Variants in QRFPR observed in about 807,000 individuals in gnomAD.
QRFPR encodes pyroglutamylated RFamide peptide receptor.
In QRFPR, 37 loss-of-function variants were observed where a neutral mutation model predicts 31.3. The observed-to-expected ratio is 1.18, with a 90% CI of 0.91 to 1.56. The LOEUF (loss-of-function observed/expected upper bound fraction) is 1.56. Among genes scored for constraint, QRFPR ranks in the 40% most tolerant of loss-of-function variants. QRFPR has a pLI of 0.00. For synonymous variants in QRFPR, 197 were observed against 192.0 expected (o/e 1.03, Z -0.22); for missense variants, 542 against 532.5 (o/e 1.02, Z -0.18).
intron 1 of QRFPR, among the ~76,000 whole-genome samples, chr4:121,365,540 TATTATATATA>T (rs1560743635): frequency 2.5e-3 from 12 of 4,786 alleles, no homozygotes; most frequent in Non-Finnish European, 2.9e-3. Context: ...ATATAATATA[TATTATATATA>T]ATATATAATA....
At chr4:121,371,394 G>A (rs1018187679) in intron 1 of QRFPR, among the ~76,000 whole-genome samples, 3 of 152,204 alleles carry the variant, frequency 2.0e-5, no homozygotes, top group Non-Finnish European at 4.4e-5. Context: ...AGAGGGAACT[G>A]CCAATATCAA....
chr4:121,378,570 T>C (rs35469175), intron 1 of QRFPR, among the ~76,000 whole-genome samples: 28,748 of 151,862 alleles, frequency 0.19, 3,213 homozygotes, highest in Non-Finnish European at 0.25. Flanking sequence ...CGTGCCACGA[T>C]GCCCGGCTAA....
intron 1 of QRFPR, among the ~76,000 whole-genome samples, chr4:121,373,619 C>A (rs1347282855): frequency 6.6e-6 from 1 of 152,148 alleles, no homozygotes; most frequent in East Asian, 1.9e-4. Flanking sequence ...TCTAAAATTT[C>A]TGAAATATCA....
chr4:121,378,254 G>A (rs1309168670), intron 1 of QRFPR, among the ~76,000 whole-genome samples: 1 of 152,116 alleles, frequency 6.6e-6, no homozygotes, highest in Non-Finnish European at 1.5e-5. Flanking sequence ...AAAGTGAAAT[G>A]TTCTCCATGA....
chr4:121,354,579 C>G lies in QRFPR; in HGVS notation c.341-13969G>C, dbSNP rs576114075. Among the ~76,000 whole-genome samples the G allele has an allele frequency of 5.3e-5, 8 of 151,936 alleles. No individual in the cohort carries two copies. The South Asian group carries it at 1.7e-3, about 32-fold the overall frequency. ...TGTCTAATTGCTCTGTCTAGGACTT[C>G]TAGTTCTATGTTGAAAAAAAGAGGT... On this transcript the variant is annotated intron_variant, in intron 1 of 5. Coordinates refer to ENST00000394427, the MANE Select transcript of QRFPR (RefSeq NM_198179.3).
intron 1 of QRFPR, among the ~76,000 whole-genome samples, chr4:121,372,133 C>T (rs1489491682): frequency 6.6e-6 from 1 of 152,108 alleles, no homozygotes; most frequent in Non-Finnish European, 1.5e-5. Flanking sequence ...GGAAACCAAA[C>T]GGGAGATAGA....
intron 1 of QRFPR, among the ~76,000 whole-genome samples, chr4:121,372,135 GGA>G (rs1014848511): frequency 6.6e-6 from 1 of 152,140 alleles, no homozygotes; most frequent in Non-Finnish European, 1.5e-5. Flanking sequence ...AAACCAAACG[GGA>G]GATAGATAAG....
intron 1 of QRFPR, among the ~76,000 whole-genome samples, chr4:121,353,924 A>G (rs947403822): frequency 6.6e-6 from 1 of 152,066 alleles, no homozygotes; most frequent in Non-Finnish European, 1.5e-5. Context: ...ATTCTTCTGC[A>G]TATTGATAAC....
intron 1 of QRFPR, among the ~76,000 whole-genome samples, chr4:121,365,652 ATATTATATATATTT>A: frequency 3.3e-5 from 1 of 30,130 alleles, no homozygotes; most frequent in Non-Finnish European, 5.6e-5. Flanking sequence ...TATATATTAT[ATATTATATATATTT>A]TATATATTAT....
rs1206611490 is a variant in QRFPR at position 121,329,524 on chromosome 4, A to T, written c.1086T>A (p.His362Gln). 1 of 1,613,986 alleles carries T rather than the reference A, an allele frequency of 6.2e-7. No individual in the cohort carries two copies. Among genetic ancestry groups the T allele is most frequent in the African/African-American group, 1.3e-5 (1 of 74,956 alleles). Residue 362 changes from histidine (H) to glutamine (Q), a missense_variant, in exon 6 of 6, where the codon CAT becomes CAA. His to Gln is a conservative substitution (Grantham distance 24). Coordinates refer to ENST00000394427, the MANE Select transcript of QRFPR (RefSeq NM_198179.3). ...VNKTFSPAQR[H>Q]GNSGITMMRK... ...GCATCATTGTAATTCCTGAATTTCCATGCCTTTGTGCTGGAGAGAAGGTTT... is the reference window on the plus strand; with the variant it reads ...GCATCATTGTAATTCCTGAATTTCCTTGCCTTTGTGCTGGAGAGAAGGTTT...
intron 1 of QRFPR, chr4:121,369,404 A>G (rs991324570): frequency 1.4e-6 from 1 of 732,750 alleles, no homozygotes; most frequent in Non-Finnish European, 2.4e-6. Context: ...AACCTTCTTT[A>G]CCAGAATCCC....
intron 1 of QRFPR, among the ~76,000 whole-genome samples, chr4:121,361,297 T>C (rs1368081603): frequency 6.7e-6 from 1 of 150,138 alleles, no homozygotes; most frequent in Non-Finnish European, 1.5e-5. Context: ...GTAAAAGTGA[T>C]AGTGTATTAC....
At chr4:121,339,070 T>C (rs1251630900) in intron 2 of QRFPR, among the ~76,000 whole-genome samples, 1 of 152,248 alleles carries the variant, frequency 6.6e-6, no homozygotes, top group Non-Finnish European at 1.5e-5. Context: ...TCTCCCCTAA[T>C]GATTCAGCTA....
At chr4:121,345,350 T>C (rs1725622903) in intron 1 of QRFPR, among the ~76,000 whole-genome samples, 2 of 152,224 alleles carry the variant, frequency 1.3e-5, no homozygotes, top group African/African-American at 2.4e-5. Flanking sequence ...TTTCTTCAGC[T>C]TCACGCTGAT....
chr4:121,335,475 GT>G (rs1444510175), intron 3 of QRFPR, among the ~76,000 whole-genome samples: 1 of 149,540 alleles, frequency 6.7e-6, no homozygotes, highest in African/African-American at 2.5e-5. Flanking sequence ...AGGCAATACT[GT>G]CACACCTAGA....
chr4:121,330,339 G>T (rs916728282), intron 5 of QRFPR, 87 bp downstream of exon 5: 11 of 906,620 alleles, frequency 1.2e-5, no homozygotes, highest in Non-Finnish European at 1.8e-5. Flanking sequence ...TTATCCAAGT[G>T]AACAGCGACA....
chr4:121,345,502 T>A (rs547255696), intron 1 of QRFPR, among the ~76,000 whole-genome samples: 8 of 152,226 alleles, frequency 5.3e-5, no homozygotes, highest in Non-Finnish European at 1.0e-4. Context: ...TTTTTAAAAA[T>A]GTAGTGTACT....
intron 1 of QRFPR, among the ~76,000 whole-genome samples, chr4:121,342,534 C>T (rs997139479): frequency 1.3e-5 from 2 of 152,138 alleles, no homozygotes; most frequent in African/African-American, 4.8e-5. Flanking sequence ...TCCCTATCTC[C>T]TCTCATTCCT....
In QRFPR at chr4:121,337,687, G is replaced by A. The variant is rs527541440; in HGVS notation, c.500-819C>T. Reference sequence around the variant, plus strand: ...GTATACATATGTAACAAACCTGTACGTTGTGCACATGTACCCTAAAACTTA... The same window carrying A: ...GTATACATATGTAACAAACCTGTACATTGTGCACATGTACCCTAAAACTTA... On this transcript the variant is annotated intron_variant, in intron 2 of 5. Transcript: ENST00000394427. 3.9e-4 allele frequency among the ~76,000 whole-genome samples: 51 copies of A among 131,240 alleles called. No individual in the cohort carries two copies. In the South Asian group the frequency reaches 9.3e-3, roughly 24 times the overall value. The allele number at this position is 131,240 out of a possible 152,430, so 86.1% of individuals were successfully genotyped here. A position where few individuals can be genotyped will look rare whatever the true frequency, so the allele number is the denominator to read the frequency against.
Sources: allele counts gnomAD v4.1 joint callset (sites outside exome capture counted in the v4.1 genomes callset), GRCh38; gene constraint gnomAD v4.1.1; transcripts MANE v1.5; gene names NCBI Gene and HGNC (gene_info 2026-07-23, HGNC 2026-07-21).